The following MYO6 variants were observed in gnomAD, a reference collection of about 807,000 sequenced individuals.
The protein encoded by MYO6 is unconventional myosin-VI.
A neutral mutation model predicts 178.7 loss-of-function variants in MYO6; 74 were observed. The observed-to-expected ratio is 0.41, with a 90% CI of 0.34 to 0.50. MYO6 has a LOEUF of 0.50. MYO6 is among the 20% of genes least tolerant of loss of function. The probability of loss-of-function intolerance (pLI) is 0.09; values close to 1 mark genes in which losing one functional copy is unlikely to be tolerated. For missense variants in MYO6, 1,330 were observed against 1,547.4 expected, an observed-to-expected ratio of 0.86 and a Z score of 2.36; for synonymous variants, 477 against 504.6, an observed-to-expected ratio of 0.95 and a Z score of 0.73.
chr6:75,830,760 A>G (rs534068207), intron 5 of MYO6, among the ~76,000 whole-genome samples: 63 of 152,356 alleles, frequency 4.1e-4, no homozygotes, highest in African/African-American at 1.5e-3. Flanking sequence ...CAGGCTTACC[A>G]TACATCATTA....
intron 10 of MYO6, among the ~76,000 whole-genome samples, chr6:75,845,474 T>C (rs746846070): frequency 9.9e-5 from 15 of 151,812 alleles, no homozygotes; most frequent in Non-Finnish European, 1.9e-4. Flanking sequence ...GGGAGGATCG[T>C]TTGAAGCCAG....
At chr6:75,901,169 AT>A (rs1166901053) in intron 30 of MYO6, among the ~76,000 whole-genome samples, 1 of 152,066 alleles carries the variant, frequency 6.6e-6, no homozygotes, top group Non-Finnish European at 1.5e-5. Flanking sequence ...AGGTAGTGTG[AT>A]GCCTCCAGCT....
intron 1 of MYO6, among the ~76,000 whole-genome samples, chr6:75,770,944 T>C (rs191999417): frequency 1.4e-4 from 21 of 152,316 alleles, no homozygotes; most frequent in African/African-American, 4.8e-4. Flanking sequence ...GAGGATAGTA[T>C]TGATAGCTTA....
chr6:75,758,619 C>A (rs941928955), intron 1 of MYO6, among the ~76,000 whole-genome samples: 1 of 152,008 alleles, frequency 6.6e-6, no homozygotes, highest in Non-Finnish European at 1.5e-5. Flanking sequence ...CGCCACCACG[C>A]CCAGCTAATT....
chr6:75,816,635 A>G (rs1384704429), intron 1 of MYO6, among the ~76,000 whole-genome samples: 11 of 152,222 alleles, frequency 7.2e-5, no homozygotes. Context: ...CAAAAATGGC[A>G]TACTGAGTAG....
In MYO6 at chr6:75,855,131, T is replaced by C. The variant is rs770396176; in HGVS notation, c.1079-8T>C. On this transcript the variant is annotated splice_polypyrimidine_tract_variant and splice_region_variant and intron_variant, in intron 11 of 34. Coordinates refer to ENST00000369977, the MANE Select transcript of MYO6 (RefSeq NM_004999.4). Reference sequence around the variant, plus strand: ...TTATTAATTTCAATGAAAATATATTTCTATTAGGTGGTTGTAATCTGAAGA... The same window carrying C: ...TTATTAATTTCAATGAAAATATATTCCTATTAGGTGGTTGTAATCTGAAGA... The C allele has an allele frequency of 1.3e-6, 2 of 1,591,478 alleles. No homozygotes were observed. Among genetic ancestry groups the C allele is most frequent in the African/African-American group, 2.7e-5 (2 of 74,192 alleles).
chr6:75,887,297 G>C (rs1486622986), intron 25 of MYO6, among the ~76,000 whole-genome samples: 1 of 152,124 alleles, frequency 6.6e-6, no homozygotes, highest in African/African-American at 2.4e-5. Flanking sequence ...CATGGCACAC[G>C]TTTACCTGTG....
intron 18 of MYO6, among the ~76,000 whole-genome samples, chr6:75,869,652 T>C (rs1002322812): frequency 1.3e-5 from 2 of 152,180 alleles, no homozygotes; most frequent in South Asian, 4.1e-4. Flanking sequence ...AATTAACTTA[T>C]TTTGCAGAGT....
intron 1 of MYO6, among the ~76,000 whole-genome samples, chr6:75,789,403 C>T (rs1463203935): frequency 6.6e-6 from 1 of 152,134 alleles, no homozygotes; most frequent in African/African-American, 2.4e-5. Context: ...TATGTCATAG[C>T]TTTTCATGGT....
intron 1 of MYO6, among the ~76,000 whole-genome samples, chr6:75,787,680 C>G (rs1562157709): frequency 8.0e-5 from 1 of 12,470 alleles, no homozygotes; most frequent in Non-Finnish European, 1.2e-4. Flanking sequence ...GAACTATTCT[C>G]TCTCTCTCTC....
At chr6:75,752,376 T>C (rs1013597148) in intron 1 of MYO6, among the ~76,000 whole-genome samples, 5 of 152,240 alleles carry the variant, frequency 3.3e-5, no homozygotes, top group African/African-American at 1.2e-4. Flanking sequence ...GCATCTTCCA[T>C]AATTGGACAG....
At chr6:75,901,148 A>G (rs1031174242) in intron 30 of MYO6, among the ~76,000 whole-genome samples, 2 of 152,126 alleles carry the variant, frequency 1.3e-5, no homozygotes, top group African/African-American at 4.8e-5. Context: ...CTTGTAGTAT[A>G]GTTTGAAGTC....
chr6:75,870,551 T>G, intron 18 of MYO6, 96 bp from the exon 19 acceptor site: 1 of 937,272 alleles, frequency 1.1e-6, no homozygotes, highest in Non-Finnish European at 1.7e-6. Flanking sequence ...TGTTATTGCA[T>G]GTTATTTTAT....
intron 19 of MYO6, among the ~76,000 whole-genome samples, chr6:75,871,999 C>T (rs189435867): frequency 7.9e-5 from 12 of 151,894 alleles, no homozygotes; most frequent in East Asian, 3.9e-4. Context: ...CATGGTGGGG[C>T]GCACTTGTAA....
intron 1 of MYO6, among the ~76,000 whole-genome samples, chr6:75,763,831 T>C (rs1188501629): frequency 6.6e-6 from 1 of 152,234 alleles, no homozygotes. Flanking sequence ...AAACTTACAG[T>C]TGAAAGACAA....
In MYO6 at chr6:75,770,983, T is replaced by A. The variant is rs180748253; in HGVS notation, c.-48+21560T>A. ...CAAGACACATGTGTAAGCTATAAGA[T>A]AACAGCACTTTTTTTTTTCTTTTTT... On this transcript the variant is annotated intron_variant, in intron 1 of 34. Coordinates refer to ENST00000369977, the MANE Select transcript of MYO6 (RefSeq NM_004999.4). Among the ~76,000 whole-genome samples, 267 of 151,798 alleles carry A rather than the reference T, an allele frequency of 1.8e-3. 1 individual carries two copies. The highest frequency in any genetic ancestry group is 2.4e-4 in the Non-Finnish European group (16 of 67,934).
At chr6:75,872,866 A>T (rs1324029575) in intron 19 of MYO6, among the ~76,000 whole-genome samples, 1 of 149,508 alleles carries the variant, frequency 6.7e-6, no homozygotes, top group East Asian at 1.9e-4. Flanking sequence ...TGCAACCTCC[A>T]CCTCCTGGGT....
intron 1 of MYO6, among the ~76,000 whole-genome samples, chr6:75,781,559 T>C (rs1432137802): frequency 6.6e-6 from 1 of 152,152 alleles, no homozygotes; most frequent in Non-Finnish European, 1.5e-5. Context: ...AACTCAGCTT[T>C]CCAGGTTTTC....
intron 1 of MYO6, among the ~76,000 whole-genome samples, chr6:75,809,200 C>G (rs1054831766): frequency 6.6e-6 from 1 of 152,184 alleles, no homozygotes; most frequent in African/African-American, 2.4e-5. Flanking sequence ...GGAGGCAGGC[C>G]TGCCTGACAT....
Sources: allele counts gnomAD v4.1 joint callset (sites outside exome capture counted in the v4.1 genomes callset), GRCh38; gene constraint gnomAD v4.1.1; transcripts MANE v1.5; gene names NCBI Gene and HGNC (gene_info 2026-07-23, HGNC 2026-07-21).